KDM4B: variants seen among roughly 807,000 people sequenced by gnomAD.
KDM4B encodes the protein lysine demethylase 4B.
A neutral mutation model predicts 125.2 loss-of-function variants in KDM4B; 32 were observed. That is an observed-to-expected ratio of 0.26 (90% CI 0.19 to 0.34). The LOEUF (loss-of-function observed/expected upper bound fraction) is 0.34. Among genes scored for constraint, KDM4B ranks in the 10% least tolerant of loss-of-function variants. The pLI is 1.00. For missense variants in KDM4B, 1,190 were observed against 1,577.7 expected (o/e 0.75, Z 4.16); for synonymous variants, 721 against 677.9 (o/e 1.06, Z -0.99).
chr19:5,086,407 T>C lies in KDM4B; in HGVS notation c.918+3903T>C, dbSNP rs562771141. The stretch of plus-strand genomic sequence containing the variant: ...TCACAGGGTTGTGGGAGGAGGGCAA[T>C]TAAAAGGATGTGTGACCTGTGACAG... On this transcript the variant is annotated intron_variant, in intron 9 of 22. Transcript: ENST00000159111. 2.0e-5 allele frequency among the ~76,000 whole-genome samples: 3 copies of C among 152,164 alleles called. No individual in the cohort carries two copies. The South Asian group carries it at 6.2e-4, about 32-fold the overall frequency.
At position 5,119,699 on chromosome 19, in the gene KDM4B, C is replaced by T; in HGVS notation, c.1162C>T (p.Pro388Ser). The change falls in exon 11 of 23, where the codon CCC becomes TCC. Residue 388 changes from proline (P) to serine (S), a missense_variant. Coordinates refer to ENST00000159111, the MANE Select transcript of KDM4B (RefSeq NM_015015.3). ...GCCCAAGAAGCCGAAGCCCGAAGACCCCAAGTTCCCTGGGGAGGGTACGGC... is the reference window on the plus strand; with the variant it reads ...GCCCAAGAAGCCGAAGCCCGAAGACTCCAAGTTCCCTGGGGAGGGTACGGC... Reference protein sequence around the residue: ...SQPKKPKPEDPKFPGEGTAGA... With the variant: ...SQPKKPKPEDSKFPGEGTAGA... The T allele has an allele frequency of 1.3e-6, 2 of 1,555,094 alleles. No individual in the cohort carries two copies. Among genetic ancestry groups the T allele is most frequent in the Non-Finnish European group, 1.7e-6 (2 of 1,149,010 alleles).
intron 2 of KDM4B, among the ~76,000 whole-genome samples, chr19:5,026,496 G>A (rs537925583): frequency 9.9e-5 from 15 of 152,218 alleles, no homozygotes; most frequent in Non-Finnish European, 1.8e-4. Context: ...ATTTGTCTTC[G>A]AAACTCTTGC....
rs1001730593 is a variant in KDM4B at position 4,971,896 on chromosome 19, G to A, written c.-109+2666G>A. Among the ~76,000 whole-genome samples the A allele has an allele frequency of 2.0e-5, 3 of 151,802 alleles. No individual in the cohort carries two copies. Among genetic ancestry groups the A allele is most frequent in the Non-Finnish European group, 4.4e-5 (3 of 67,934 alleles). On this transcript the variant is annotated intron_variant, in intron 1 of 22. Coordinates refer to ENST00000159111, the MANE Select transcript of KDM4B (RefSeq NM_015015.3). The surrounding 1 kb of genome is among the most constrained non-coding windows in gnomAD (Gnocchi z 4.1). ...GCAGATCGGGGGCACTAAATCTTTC[G>A]GAGCCCACTGGGCAGGAGGGGACGG...
Position 5,132,723 on chromosome 19 carries a change from A to G in KDM4B, c.1906+716A>G, listed in dbSNP as rs921412687. Reference sequence around the variant, plus strand: ...CTCTGGGGCCTCCGTGGACTCCCCCACTCCCCACACCCCACTGTGACCCTT... The same window carrying G: ...CTCTGGGGCCTCCGTGGACTCCCCCGCTCCCCACACCCCACTGTGACCCTT... On this transcript the variant is annotated intron_variant, in intron 13 of 22. Coordinates refer to ENST00000159111, the MANE Select transcript of KDM4B (RefSeq NM_015015.3). 1.5e-4 allele frequency among the ~76,000 whole-genome samples: 22 copies of G among 143,642 alleles called. No individual in the cohort carries two copies. In the Middle Eastern group the frequency reaches 0.023, roughly 147 times the overall value. The allele number at this position is 143,642 out of a possible 152,430, so 94.2% of individuals were successfully genotyped here.
intron 5 of KDM4B, among the ~76,000 whole-genome samples, chr19:5,045,500 C>T (rs1326732417): frequency 6.6e-6 from 1 of 152,062 alleles, no homozygotes; most frequent in Non-Finnish European, 1.5e-5. Flanking sequence ...ATTTCTGTGC[C>T]TCAGCTTCCC....
rs1057159283 is a variant in KDM4B, at chr19:5,115,295, A to G, written c.1116-4358A>G. 2.0e-5 allele frequency among the ~76,000 whole-genome samples: 3 copies of G among 152,100 alleles called. No individual in the cohort carries two copies. The highest frequency in any genetic ancestry group is 4.4e-5 in the Non-Finnish European group (3 of 68,012). On this transcript the variant is annotated intron_variant, in intron 10 of 22. Coordinates refer to ENST00000159111, the MANE Select transcript of KDM4B (RefSeq NM_015015.3). The surrounding 1 kb of genome is among the most constrained non-coding windows in gnomAD (Gnocchi z 4.2). ...GGGGTGCTGGGGGGATGTGGGGGCA[A>G]CCAGCAGAAGACAGTGGGTGGCTCT...
chr19:5,018,961 T>G (rs867684735), intron 2 of KDM4B, among the ~76,000 whole-genome samples: 7 of 152,248 alleles, frequency 4.6e-5, no homozygotes, highest in Admixed American at 1.3e-4. Context: ...CCCCTGCTGA[T>G]GGGCGCTCAT....
chr19:5,000,368 T>C (rs2035346788), intron 1 of KDM4B, among the ~76,000 whole-genome samples: 1 of 151,030 alleles, frequency 6.6e-6, no homozygotes, highest in Non-Finnish European at 1.5e-5. Flanking sequence ...CAACCGTCCA[T>C]CTGTTCATTC....
chr19:5,138,899 T>C (rs1357801736), intron 18 of KDM4B, among the ~76,000 whole-genome samples: 1 of 152,182 alleles, frequency 6.6e-6, no homozygotes, highest in Non-Finnish European at 1.5e-5. Context: ...TGAGTGGGAT[T>C]GTACAGTCTT....
At chr19:5,023,297 C>G (rs1350392747) in intron 2 of KDM4B, among the ~76,000 whole-genome samples, 1 of 152,188 alleles carries the variant, frequency 6.6e-6, no homozygotes, top group Non-Finnish European at 1.5e-5. Flanking sequence ...CCTGAGGGCC[C>G]TTTATGTAGA....
At position 5,108,917 on chromosome 19, in the gene KDM4B, C is replaced by G. The variant is rs185759908; in HGVS notation, c.919-1705C>G. Among the ~76,000 whole-genome samples the G allele has an allele frequency of 6.6e-5, 10 of 152,262 alleles. No individual in the cohort carries two copies. The East Asian group carries it at 1.9e-3, about 29-fold the overall frequency. On this transcript the variant is annotated intron_variant, in intron 9 of 22. Transcript: ENST00000159111. ...CAGACGGGGGCCCGTGCCTCTGCCC[C>G]CCACGCCCCGAGCTTCCGCATGGCC...
chr19:5,046,519 G>C (rs1171735452), intron 5 of KDM4B, among the ~76,000 whole-genome samples: 1 of 152,238 alleles, frequency 6.6e-6, no homozygotes, highest in Non-Finnish European at 1.5e-5. Flanking sequence ...TTCAGGCTGT[G>C]AGAGCAGCTC....
At chr19:5,096,902 G>A (rs1274476765) in intron 9 of KDM4B, among the ~76,000 whole-genome samples, 1 of 152,224 alleles carries the variant, frequency 6.6e-6, no homozygotes, top group Non-Finnish European at 1.5e-5. Context: ...ATAGCTCAGA[G>A]AAGGCTGAGG....
At chr19:5,043,665 TG>T (rs1352124532) in intron 5 of KDM4B, among the ~76,000 whole-genome samples, 7 of 143,370 alleles carry the variant, frequency 4.9e-5, no homozygotes, top group East Asian at 4.3e-4. Context: ...TTTATCGGAG[TG>T]GGGGTGTCCA....
intron 6 of KDM4B, among the ~76,000 whole-genome samples, chr19:5,052,552 C>G (rs2037263497): frequency 6.6e-6 from 1 of 152,194 alleles, no homozygotes; most frequent in Non-Finnish European, 1.5e-5. Context: ...CTGCTGCCCG[C>G]CTAACTGCCC....
intron 8 of KDM4B, among the ~76,000 whole-genome samples, chr19:5,079,504 G>C (rs2038222328): frequency 6.6e-6 from 1 of 152,144 alleles, no homozygotes; most frequent in Non-Finnish European, 1.5e-5. Context: ...TGAGAGCTTG[G>C]CTCTCTGCTG....
chr19:5,001,705 C>T (rs2035392043), intron 1 of KDM4B, among the ~76,000 whole-genome samples: 1 of 151,934 alleles, frequency 6.6e-6, no homozygotes, highest in South Asian at 2.1e-4. Flanking sequence ...CTGGGAGGGC[C>T]TGGTTCCCCT....
At chr19:5,127,799 T>C (rs1362696904) in intron 11 of KDM4B, among the ~76,000 whole-genome samples, 4 of 151,984 alleles carry the variant, frequency 2.6e-5, no homozygotes, top group Middle Eastern at 3.2e-3. Flanking sequence ...TGGCCTCAGC[T>C]CCCCACCCAG....
At chr19:5,022,519 C>T (rs1306510585) in intron 2 of KDM4B, among the ~76,000 whole-genome samples, 3 of 152,168 alleles carry the variant, frequency 2.0e-5, no homozygotes, top group African/African-American at 7.2e-5. Context: ...CCTGTCAGAG[C>T]CCAGGCCTCA....
Sources: allele counts gnomAD v4.1 joint callset (sites outside exome capture counted in the v4.1 genomes callset), GRCh38; gene constraint gnomAD v4.1.1; non-coding constraint Gnocchi (gnomAD v3.1); transcripts MANE v1.5; gene names NCBI Gene and HGNC (gene_info 2026-07-23, HGNC 2026-07-21).